SV2C: variants seen among roughly 807,000 people sequenced by gnomAD.
SV2C encodes the protein solute carrier family 22 member B3.
In SV2C, 49 loss-of-function variants were observed where a neutral mutation model predicts 79.7. That is an observed-to-expected ratio of 0.61 (90% CI 0.49 to 0.78). SV2C has a LOEUF of 0.78. Ranked by LOEUF, SV2C falls within the 30% of genes least tolerant of loss-of-function variation. The pLI is 0.00. For synonymous variants in SV2C, 334 were observed against 333.2 expected, an observed-to-expected ratio of 1.00 and a Z score of -0.03; for missense variants, 833 against 912.9, an observed-to-expected ratio of 0.91 and a Z score of 1.13.
At chr5:75,989,873 T>C in the SV2C span, among the ~76,000 whole-genome samples, 1 of 152,176 alleles carries the variant, frequency 6.6e-6, no homozygotes, top group East Asian at 1.9e-4. Flanking sequence ...TTTGCATTTC[T>C]CTAATGATCT....
intron 2 of SV2C, among the ~76,000 whole-genome samples, chr5:76,137,853 A>C (rs1169226644): frequency 6.6e-6 from 1 of 152,158 alleles, no homozygotes; most frequent in African/African-American, 2.4e-5. Context: ...GAGGGTTGAC[A>C]GGACCCCTTC....
intron 2 of SV2C, among the ~76,000 whole-genome samples, chr5:76,166,603 C>T (rs1561245128): frequency 6.6e-6 from 1 of 152,218 alleles, no homozygotes; most frequent in Non-Finnish European, 1.5e-5. Context: ...TATCTAGGAG[C>T]TAGGGTCAAA....
At position 76,152,006 on chromosome 5, in the gene SV2C, C is replaced by A. The variant is rs114467920; in HGVS notation, c.580+19676C>A. ...AGCTACAGACGGAGCTTTAGTGATG[C>A]CTTAGGGGGTGAGAGAAGTCCTAAA... is the stretch of plus-strand genomic sequence containing the variant. On this transcript the variant is annotated intron_variant, in intron 2 of 12. Coordinates refer to ENST00000502798, the MANE Select transcript of SV2C (RefSeq NM_014979.4). Among the ~76,000 whole-genome samples the A allele has an allele frequency of 9.3e-3, 1,413 of 152,222 alleles. 15 individuals carry two copies. The highest frequency in any genetic ancestry group is 0.032 in the African/African-American group (1,332 of 41,526).
intron 4 of SV2C, among the ~76,000 whole-genome samples, chr5:76,271,616 C>CTTTTTTTTTTT (rs34458409): frequency 7.9e-3 from 761 of 96,046 alleles, no homozygotes; most frequent in Non-Finnish European, 9.9e-3. Flanking sequence ...AGCATGTGTT[C>CTTTTTTTTTTT]TTTTTTTTTT....
At chr5:75,979,210 C>T in the SV2C span, among the ~76,000 whole-genome samples, 4 of 152,148 alleles carry the variant, frequency 2.6e-5, no homozygotes, top group African/African-American at 9.7e-5. Context: ...GCACCCAACA[C>T]AGGTGCACCC....
chr5:76,012,843 A>G, the SV2C span, among the ~76,000 whole-genome samples: 3 of 152,130 alleles, frequency 2.0e-5, no homozygotes, highest in Non-Finnish European at 4.4e-5. Context: ...TTTTCCCAAC[A>G]CCATTTATTA....
Position 76,291,216 on chromosome 5 carries a change from T to C in SV2C, c.1138-5T>C, listed in dbSNP as rs1171933110. 5 of 1,607,072 alleles carry C rather than the reference T, an allele frequency of 3.1e-6. No individual in the cohort carries two copies. Among genetic ancestry groups the C allele is most frequent in the African/African-American group, 1.3e-5 (1 of 74,634 alleles). ...CTTAGCGCTTTGGTCTGTTTCTCTC[T>C]ACAGGTAAACAAAATAAAAACTCCT... On this transcript the variant is annotated splice_region_variant and splice_polypyrimidine_tract_variant and intron_variant, in intron 6 of 12. Coordinates refer to ENST00000502798, the MANE Select transcript of SV2C (RefSeq NM_014979.4).
chr5:76,285,903 A>G (rs1041461087), intron 6 of SV2C, 33 bp downstream of exon 6: 1 of 1,578,070 alleles, frequency 6.3e-7, no homozygotes, highest in Non-Finnish European at 8.7e-7. Context: ...CCTCAACACC[A>G]GGGATTGGGA....
chr5:76,120,851 G>A (rs10474462), intron 1 of SV2C, among the ~76,000 whole-genome samples: 46,602 of 145,910 alleles, frequency 0.32, 10,115 homozygotes, highest in African/African-American at 0.61. Flanking sequence ...TCTTTATAGC[G>A]GCATGATTTA....
chr5:76,345,094 A>G (rs1291326331), intron 12 of SV2C, among the ~76,000 whole-genome samples: 1 of 152,248 alleles, frequency 6.6e-6, no homozygotes, highest in Non-Finnish European at 1.5e-5. Flanking sequence ...GCAACTGGGA[A>G]AGGCAAGCTC....
At chr5:75,903,202 G>A in the SV2C span, among the ~76,000 whole-genome samples, 9 of 152,068 alleles carry the variant, frequency 5.9e-5, no homozygotes, top group African/African-American at 1.7e-4. Flanking sequence ...AAGAATAAGA[G>A]CATAGAATGT....
chr5:76,291,091 T>C, intron 6 of SV2C, 130 bp from the exon 7 acceptor site: 1 of 579,744 alleles, frequency 1.7e-6, no homozygotes, highest in Non-Finnish European at 3.1e-6. Flanking sequence ...CATATATGTA[T>C]GAACTGATTA....
At chr5:75,985,716 TA>T in the SV2C span, among the ~76,000 whole-genome samples, 2 of 151,630 alleles carry the variant, frequency 1.3e-5, no homozygotes, top group South Asian at 2.1e-4. Context: ...TTAAAAAAAG[TA>T]AAAAAAGTGA....
chr5:75,990,498 GT>G, the SV2C span, among the ~76,000 whole-genome samples: 2 of 151,896 alleles, frequency 1.3e-5, no homozygotes, highest in African/African-American at 4.8e-5. Context: ...ACAGAGTTCT[GT>G]TCCAACTAAG....
At chr5:75,990,934 G>A in the SV2C span, among the ~76,000 whole-genome samples, 19 of 151,954 alleles carry the variant, frequency 1.3e-4, 1 homozygote, top group East Asian at 1.4e-3. Context: ...CTCCCATGAA[G>A]ACTGCCAGGT....
chr5:76,035,029 T>A, the SV2C span, among the ~76,000 whole-genome samples: 1 of 152,196 alleles, frequency 6.6e-6, no homozygotes, highest in South Asian at 2.1e-4. Flanking sequence ...TTCTAGTTTA[T>A]TTGCGTAGAG....
chr5:76,245,959 T>TGTGG (rs1745935989), intron 4 of SV2C, among the ~76,000 whole-genome samples: 1 of 151,714 alleles, frequency 6.6e-6, no homozygotes. Context: ...TGTGTGTGTG[T>TGTGG]GTGTTAAAGG....
chr5:76,281,177 T>C (rs1199091775), intron 4 of SV2C: 9 of 535,022 alleles, frequency 1.7e-5, no homozygotes, highest in Non-Finnish European at 3.0e-5. Context: ...TTAATAGAAA[T>C]CCTTAAAAAA....
intron 4 of SV2C, among the ~76,000 whole-genome samples, chr5:76,260,557 A>G (rs1032038794): frequency 2.0e-5 from 3 of 152,132 alleles, no homozygotes; most frequent in South Asian, 4.1e-4. Flanking sequence ...GTTTTCTTCT[A>G]GGGTTTTTAT....
Sources: allele counts gnomAD v4.1 joint callset (sites outside exome capture counted in the v4.1 genomes callset), GRCh38; gene constraint gnomAD v4.1.1; transcripts MANE v1.5; gene names NCBI Gene and HGNC (gene_info 2026-07-23, HGNC 2026-07-21).